The following ZNF804A variants were observed in gnomAD, a reference collection of about 807,000 sequenced individuals.
The protein encoded by ZNF804A is zinc finger protein 804A.
A neutral mutation model predicts 16.5 loss-of-function variants in ZNF804A; 2 were observed. The observed-to-expected ratio is 0.12, with a 90% CI of 0.05 to 0.38. The LOEUF is 0.38. Ranked by LOEUF, ZNF804A falls within the 10% of genes least tolerant of loss-of-function variation. The probability of loss-of-function intolerance (pLI) is 0.99; values close to 1 mark genes in which losing one functional copy is unlikely to be tolerated. For missense variants in ZNF804A, 1,473 were observed against 1,390.7 expected (o/e 1.06, Z -0.94); for synonymous variants, 534 against 489.6 (o/e 1.09, Z -1.20).
chr2:184,852,966 A>G (rs1695628937), intron 1 of ZNF804A, among the ~76,000 whole-genome samples: 1 of 151,446 alleles, frequency 6.6e-6, no homozygotes, highest in Admixed American at 6.6e-5. Flanking sequence ...TTTTTTTTCT[A>G]TTTCTGTGAA....
intron 1 of ZNF804A, among the ~76,000 whole-genome samples, chr2:184,616,724 A>G (rs1691327128): frequency 6.6e-6 from 1 of 152,186 alleles, no homozygotes; most frequent in East Asian, 1.9e-4. Flanking sequence ...GCAGGAAAAT[A>G]AAGTTCTACG....
chr2:184,847,438 A>G (rs953285806), intron 1 of ZNF804A, among the ~76,000 whole-genome samples: 1 of 152,028 alleles, frequency 6.6e-6, no homozygotes, highest in Non-Finnish European at 1.5e-5. Context: ...AGCCTTTGAG[A>G]TAATAGAACC....
At chr2:184,739,011 A>G (rs1693674978) in intron 1 of ZNF804A, among the ~76,000 whole-genome samples, 1 of 152,210 alleles carries the variant, frequency 6.6e-6, no homozygotes, top group South Asian at 2.1e-4. Flanking sequence ...TTGAAATTTT[A>G]CACGATTCTG....
chr2:184,871,014 A>G (rs1210002236), intron 2 of ZNF804A, among the ~76,000 whole-genome samples: 1 of 151,508 alleles, frequency 6.6e-6, no homozygotes, highest in Non-Finnish European at 1.5e-5. Context: ...ACATGATTTA[A>G]GAGCAAATAA....
chr2:184,647,601 T>C (rs963880980), intron 1 of ZNF804A, among the ~76,000 whole-genome samples: 2 of 152,142 alleles, frequency 1.3e-5, no homozygotes, highest in African/African-American at 4.8e-5. Context: ...AAATAAAATA[T>C]AAAGATTTAT....
chr2:184,599,044 C>G lies in ZNF804A; in HGVS notation c.85C>G (p.Leu29Val). 2 of 1,613,898 alleles carry G rather than the reference C, an allele frequency of 1.2e-6. No homozygotes were observed. Among genetic ancestry groups the G allele is most frequent in the Non-Finnish European group, 1.7e-6 (2 of 1,179,774 alleles). ...RNIKGVFRGP[L>V]SKNGNKTLDY... ...CATCAAGGGAGTTTTCCGGGGCCCTCTCAGCAAGAACGGGAACAAAACTCT... is the reference window on the plus strand; with the variant it reads ...CATCAAGGGAGTTTTCCGGGGCCCTGTCAGCAAGAACGGGAACAAAACTCT... The change falls in exon 1 of 4, where the codon CTC (leucine) becomes GTC (valine). Residue 29 changes from leucine to valine, a missense_variant. Physicochemically the swap from Leu to Val is conservative, Grantham distance 32 (BLOSUM62 1). Coordinates refer to ENST00000302277, the MANE Select transcript of ZNF804A (RefSeq NM_194250.2).
chr2:184,820,088 A>G (rs923671842), intron 1 of ZNF804A, among the ~76,000 whole-genome samples: 1 of 152,074 alleles, frequency 6.6e-6, no homozygotes, highest in Non-Finnish European at 1.5e-5. Flanking sequence ...TCCTCCTGAT[A>G]CTAAAACCTG....
intron 1 of ZNF804A, among the ~76,000 whole-genome samples, chr2:184,851,857 G>T (rs939209522): frequency 6.6e-6 from 1 of 151,552 alleles, no homozygotes; most frequent in Non-Finnish European, 1.5e-5. Context: ...GCTATCTTTT[G>T]TGTTTTGCTA....
chr2:184,780,664 T>A (rs1264990165), intron 1 of ZNF804A, among the ~76,000 whole-genome samples: 1 of 151,802 alleles, frequency 6.6e-6, no homozygotes. Context: ...CTTCTTATAC[T>A]GTTGAAGTGA....
intron 1 of ZNF804A, among the ~76,000 whole-genome samples, chr2:184,785,649 T>C (rs1694435359): frequency 6.6e-6 from 1 of 151,988 alleles, no homozygotes; most frequent in African/African-American, 2.4e-5. Flanking sequence ...AACAAGAAGG[T>C]TGCAAAAGAC....
chr2:184,795,463 A>G (rs1331591347), intron 1 of ZNF804A, among the ~76,000 whole-genome samples: 1 of 152,132 alleles, frequency 6.6e-6, no homozygotes, highest in African/African-American at 2.4e-5. Flanking sequence ...CTTACATCAA[A>G]AAGTCTGAAA....
Position 184,936,170 on chromosome 2 carries a change from T to C in ZNF804A, c.774T>C (p.His258=). ...RKSRFVPSAC[H]LQQSSPTDVL... ...GTAGATTTGTCCCCAGTGCTTGTCATCTTCAACAATCTTCACCAACAGATG... is the reference window on the plus strand; with the variant it reads ...GTAGATTTGTCCCCAGTGCTTGTCACCTTCAACAATCTTCACCAACAGATG... The change falls in exon 4 of 4, where the codon CAT becomes CAC. Residue 258 remains histidine, a synonymous_variant. Transcript: ENST00000302277. The C allele has an allele frequency of 6.2e-7, 1 of 1,614,068 alleles. No homozygotes were observed. Among genetic ancestry groups the C allele is most frequent in the Non-Finnish European group, 8.5e-7 (1 of 1,179,946 alleles).
At chr2:184,802,710 T>C (rs1331512841) in intron 1 of ZNF804A, among the ~76,000 whole-genome samples, 2 of 152,226 alleles carry the variant, frequency 1.3e-5, no homozygotes, top group Non-Finnish European at 2.9e-5. Flanking sequence ...TTTTTACTTC[T>C]TGGAATAGTA....
At chr2:184,645,081 C>G (rs1691851006) in intron 1 of ZNF804A, among the ~76,000 whole-genome samples, 1 of 152,026 alleles carries the variant, frequency 6.6e-6, no homozygotes, top group South Asian at 2.1e-4. Flanking sequence ...TGTACCAGAT[C>G]AGCCTCTAAA....
At chr2:184,935,534 T>G (rs1356343599) in intron 3 of ZNF804A, among the ~76,000 whole-genome samples, 1 of 152,150 alleles carries the variant, frequency 6.6e-6, no homozygotes, top group African/African-American at 2.4e-5. Flanking sequence ...GAGCATATCC[T>G]CAACATTGCT....
chr2:184,935,958 GA>G lies in ZNF804A; in HGVS notation c.565del (p.Ser189ValfsTer36). The G allele has an allele frequency of 6.2e-7, 1 of 1,613,970 alleles. No homozygotes were observed. Among genetic ancestry groups the G allele is most frequent in the Non-Finnish European group, 8.5e-7 (1 of 1,179,926 alleles). On this transcript the variant is annotated frameshift_variant, in exon 4 of 4. Coordinates refer to ENST00000302277, the MANE Select transcript of ZNF804A (RefSeq NM_194250.2). LOFTEE classifies it low-confidence loss of function (END_TRUNC). ...KDATTVAEDP[E>X]SANNYTAKNN... ...TGCTACCACTGTTGCTGAAGATCCA[GA>G]AAGTGCAAATAATTATACAGCAAAA... is the stretch of plus-strand genomic sequence containing the variant.
chr2:184,689,422 T>A (rs1372541316), intron 1 of ZNF804A, among the ~76,000 whole-genome samples: 3 of 152,128 alleles, frequency 2.0e-5, no homozygotes, highest in Non-Finnish European at 2.9e-5. Flanking sequence ...AAAAGCATTA[T>A]CTCTCTGAAC....
chr2:184,796,575 T>C (rs1694631996), intron 1 of ZNF804A, among the ~76,000 whole-genome samples: 1 of 151,532 alleles, frequency 6.6e-6, no homozygotes, highest in South Asian at 2.1e-4. Context: ...AACAAACTTT[T>C]TGTTTCATTT....
chr2:184,821,958 TTGG>T (rs958130230), intron 1 of ZNF804A, among the ~76,000 whole-genome samples: 7 of 152,114 alleles, frequency 4.6e-5, no homozygotes, highest in African/African-American at 9.7e-5. Flanking sequence ...TTTTACACTG[TTGG>T]TGGGAGTGTA....
Sources: allele counts gnomAD v4.1 joint callset (sites outside exome capture counted in the v4.1 genomes callset), GRCh38; gene constraint gnomAD v4.1.1; transcripts MANE v1.5; gene names NCBI Gene and HGNC (gene_info 2026-07-23, HGNC 2026-07-21).